TRPC1: variants seen among roughly 807,000 people sequenced by gnomAD.
TRPC1 encodes short transient receptor potential channel 1.
In TRPC1, 42 loss-of-function variants were observed where a neutral mutation model predicts 88.2. The ratio of observed to expected loss-of-function variants is 0.48; its 90% confidence interval spans 0.37 to 0.62. The LOEUF (loss-of-function observed/expected upper bound fraction) is 0.62, where lower values mean the gene tolerates loss of function less well. Among genes scored for constraint, TRPC1 ranks in the 20% least tolerant of loss-of-function variants. The pLI, the probability that TRPC1 is intolerant of heterozygous loss-of-function variation, is 0.00. For missense variants in TRPC1, 699 were observed against 957.3 expected (o/e 0.73, Z 3.56); for synonymous variants, 288 against 331.8 (o/e 0.87, Z 1.43).
chr3:142,757,633 G>A lies in TRPC1; in HGVS notation c.632+9173G>A, dbSNP rs550549190. ...TGGACACAGGGGAACATCACACACCGGGGCCTCTTGGGGGATGGGGGGCAA... is the reference window on the plus strand; with the variant it reads ...TGGACACAGGGGAACATCACACACCAGGGCCTCTTGGGGGATGGGGGGCAA... On this transcript the variant is annotated intron_variant, in intron 4 of 12. Transcript: ENST00000476941. Among the ~76,000 whole-genome samples, 282 of 151,674 alleles carry A rather than the reference G, an allele frequency of 1.9e-3. 1 individual carries two copies. Among genetic ancestry groups the A allele is most frequent in the African/African-American group, 6.4e-3 (264 of 41,308 alleles).
intron 1 of TRPC1, among the ~76,000 whole-genome samples, chr3:142,729,191 A>G (rs987304482): frequency 2.6e-5 from 4 of 152,244 alleles, no homozygotes; most frequent in Admixed American, 2.6e-4. Flanking sequence ...CTAACAGACT[A>G]GTAATTCAGC....
At chr3:142,749,215 C>CA (rs1159088037) in intron 4 of TRPC1, among the ~76,000 whole-genome samples, 1 of 152,182 alleles carries the variant, frequency 6.6e-6, no homozygotes, top group Non-Finnish European at 1.5e-5. Context: ...ACGCATTACT[C>CA]ACGTTTGTGG....
intron 4 of TRPC1, among the ~76,000 whole-genome samples, chr3:142,760,918 A>G (rs1935161844): frequency 6.6e-6 from 1 of 151,920 alleles, no homozygotes; most frequent in African/African-American, 2.4e-5. Context: ...AATGTTATTG[A>G]CATTTGTATG....
chr3:142,747,079 A>G (rs571520192), intron 3 of TRPC1, among the ~76,000 whole-genome samples: 1 of 152,320 alleles, frequency 6.6e-6, no homozygotes, highest in East Asian at 1.9e-4. Context: ...CTATGTAAAG[A>G]TCCTGCTTTA....
chr3:142,749,776 A>G (rs186621453), intron 4 of TRPC1, among the ~76,000 whole-genome samples: 16 of 152,312 alleles, frequency 1.1e-4, no homozygotes, highest in Non-Finnish European at 1.9e-4. Context: ...CCACACATCT[A>G]CAACCATCTG....
Position 142,766,014 on chromosome 3 carries a change from A to T in TRPC1, c.633-11618A>T, listed in dbSNP as rs1935372063. ...CTACAATGAGATGCCATCTCATACC[A>T]GTCAGAATGTCTATTAAGAAGTAAA... On this transcript the variant is annotated intron_variant, in intron 4 of 12. Transcript: ENST00000476941. Among the ~76,000 whole-genome samples the T allele has an allele frequency of 5.9e-5, 9 of 152,198 alleles. No individual in the cohort carries two copies. In the South Asian group the frequency reaches 1.9e-3, roughly 32 times the overall value.
At chr3:142,788,694 T>G (rs1936206425) in intron 7 of TRPC1, among the ~76,000 whole-genome samples, 1 of 152,086 alleles carries the variant, frequency 6.6e-6, no homozygotes, top group East Asian at 1.9e-4. Flanking sequence ...ATCAAGCCCT[T>G]GAGAAATCCC....
At chr3:142,797,754 C>T (rs868380408) in intron 9 of TRPC1, among the ~76,000 whole-genome samples, 2 of 151,966 alleles carry the variant, frequency 1.3e-5, no homozygotes, top group South Asian at 2.1e-4. Context: ...GTGGGCTTTA[C>T]GTAAATGTTT....
At chr3:142,726,243 C>G (rs1166402550) in intron 1 of TRPC1, among the ~76,000 whole-genome samples, 1 of 152,054 alleles carries the variant, frequency 6.6e-6, no homozygotes, top group African/African-American at 2.4e-5. Context: ...GAAAGTATGT[C>G]AAGAAAGGAA....
At chr3:142,729,059 C>T (rs1004368832) in intron 1 of TRPC1, among the ~76,000 whole-genome samples, 1 of 152,166 alleles carries the variant, frequency 6.6e-6, no homozygotes, top group Non-Finnish European at 1.5e-5. Flanking sequence ...GAAAGCTTTT[C>T]AAATAACCAA....
intron 9 of TRPC1, among the ~76,000 whole-genome samples, chr3:142,796,509 G>C (rs1936455182): frequency 6.6e-6 from 1 of 151,818 alleles, no homozygotes; most frequent in African/African-American, 2.4e-5. Flanking sequence ...CCCAGGGTAG[G>C]GCCCTCTCTC....
At chr3:142,787,661 G>A (rs144400869) in intron 7 of TRPC1, among the ~76,000 whole-genome samples, 36 of 152,214 alleles carry the variant, frequency 2.4e-4, no homozygotes, top group African/African-American at 6.0e-4. Context: ...CCATACACTC[G>A]TGAAGCTTAT....
chr3:142,770,612 A>T (rs1219752046), intron 4 of TRPC1, among the ~76,000 whole-genome samples: 3 of 152,180 alleles, frequency 2.0e-5, no homozygotes, highest in African/African-American at 4.8e-5. Context: ...TTGAATTTTT[A>T]AAAAATCTAG....
At position 142,773,676 on chromosome 3, in the gene TRPC1, A is replaced by G. The variant is rs552669641; in HGVS notation, c.633-3956A>G. ...TTTGGTTGGAAACTGGGCATTCTAG[A>G]TAATATGGTAGCAAACTCTGTGTGC... On this transcript the variant is annotated intron_variant, in intron 4 of 12. Coordinates refer to ENST00000476941, the MANE Select transcript of TRPC1 (RefSeq NM_001251845.2). Among the ~76,000 whole-genome samples the G allele has an allele frequency of 2.2e-5, 3 of 139,234 alleles. No individual in the cohort carries two copies. The South Asian group carries it at 7.6e-4, about 35-fold the overall frequency. 91.3% of individuals were successfully genotyped at this position (139,234 alleles called of 152,430 possible).
intron 6 of TRPC1, among the ~76,000 whole-genome samples, chr3:142,782,410 C>T (rs1289275596): frequency 6.6e-6 from 1 of 151,824 alleles, no homozygotes; most frequent in African/African-American, 2.4e-5. Flanking sequence ...GATATTTTCT[C>T]AAATAGTTGG....
At chr3:142,731,369 T>C (rs1933896538) in intron 1 of TRPC1, among the ~76,000 whole-genome samples, 1 of 145,404 alleles carries the variant, frequency 6.9e-6, no homozygotes, top group Admixed American at 6.9e-5. Context: ...GCTTGATATG[T>C]TTTGATTTTT....
intron 1 of TRPC1, among the ~76,000 whole-genome samples, chr3:142,729,323 C>T (rs1933804996): frequency 6.6e-6 from 1 of 152,182 alleles, no homozygotes; most frequent in African/African-American, 2.4e-5. Flanking sequence ...TGTGTTAAGG[C>T]ACTGTGAAAG....
At chr3:142,765,882 G>A (rs1370353840) in intron 4 of TRPC1, among the ~76,000 whole-genome samples, 1 of 152,016 alleles carries the variant, frequency 6.6e-6, no homozygotes, top group Non-Finnish European at 1.5e-5. Flanking sequence ...CCATTAAAAA[G>A]TGGGCAAAGG....
At chr3:142,797,207 T>C (rs185620389) in intron 9 of TRPC1, among the ~76,000 whole-genome samples, 1 of 152,098 alleles carries the variant, frequency 6.6e-6, no homozygotes, top group Non-Finnish European at 1.5e-5. Flanking sequence ...AATAAATTAT[T>C]TGGCAATTTT....
Sources: gnomAD v4.1 joint callset for allele counts (sites outside exome capture counted in the v4.1 genomes callset) on GRCh38, gnomAD v4.1.1 for gene constraint, MANE v1.5 for transcripts, NCBI Gene and HGNC (gene_info 2026-07-23, HGNC 2026-07-21) for gene names.